Variants in XKR9 observed in about 807,000 individuals in gnomAD.
XKR9 encodes XK-related protein 9.
XKR9 carries 32 observed loss-of-function variants against 32.0 expected under a neutral mutation model. The ratio of observed to expected loss-of-function variants is 1.00; its 90% CI spans 0.76 to 1.34. The LOEUF (loss-of-function observed/expected upper bound fraction) is 1.34, where lower values mean the gene tolerates loss of function less well. Ranked by LOEUF, XKR9 falls within the 40% of genes most tolerant of loss-of-function variation. XKR9 has a pLI of 0.00. For synonymous variants in XKR9, 168 were observed against 143.4 expected, an observed-to-expected ratio of 1.17 and a Z score of -1.22; for missense variants, 546 against 429.7, an observed-to-expected ratio of 1.27 and a Z score of -2.39.
At chr8:71,027,873 G>C in the XKR9 span, among the ~76,000 whole-genome samples, 1 of 151,580 alleles carries the variant, frequency 6.6e-6, no homozygotes, top group East Asian at 1.9e-4. Flanking sequence ...CTGGGGTCAA[G>C]TGATCCTCCC....
At chr8:70,925,674 G>C in the XKR9 span, among the ~76,000 whole-genome samples, 1 of 152,174 alleles carries the variant, frequency 6.6e-6, no homozygotes, top group African/African-American at 2.4e-5. Context: ...AGCAAACTAA[G>C]AGTTAAGAGG....
chr8:70,883,029 T>G, the XKR9 span, among the ~76,000 whole-genome samples: 1 of 151,840 alleles, frequency 6.6e-6, no homozygotes, highest in African/African-American at 2.4e-5. Context: ...TTTGGTTACA[T>G]GGATGAGTTC....
the XKR9 span, among the ~76,000 whole-genome samples, chr8:70,955,813 C>T: frequency 3.3e-5 from 5 of 152,352 alleles, no homozygotes; most frequent in East Asian, 7.7e-4. Context: ...TGTGCACAGA[C>T]AGCCATGCTG....
intron 2 of XKR9, among the ~76,000 whole-genome samples, chr8:70,770,149 T>G (rs1807434581): frequency 6.6e-6 from 1 of 152,168 alleles, no homozygotes; most frequent in Non-Finnish European, 1.5e-5. Context: ...TTTGTTGATG[T>G]TGATGTTATT....
chr8:70,796,702 A>G, the XKR9 span, among the ~76,000 whole-genome samples: 3 of 152,242 alleles, frequency 2.0e-5, no homozygotes, highest in Admixed American at 1.3e-4. Flanking sequence ...AAATGTCAAT[A>G]GAATACCAGC....
chr8:70,805,875 G>A, the XKR9 span, among the ~76,000 whole-genome samples: 1 of 152,114 alleles, frequency 6.6e-6, no homozygotes, highest in Admixed American at 6.5e-5. Flanking sequence ...TCCCCCTAGT[G>A]AAGCACACCC....
chr8:70,860,225 G>A, the XKR9 span, among the ~76,000 whole-genome samples: 1 of 152,078 alleles, frequency 6.6e-6, no homozygotes, highest in Non-Finnish European at 1.5e-5. Flanking sequence ...AGTATTTGGA[G>A]GTGGGGCCTT....
chr8:70,714,567 T>C (rs1806027904), intron 4 of XKR9, among the ~76,000 whole-genome samples: 1 of 152,072 alleles, frequency 6.6e-6, no homozygotes, highest in African/African-American at 2.4e-5. Flanking sequence ...TTTAAAAAAG[T>C]TTTTGTCAAC....
the XKR9 span, among the ~76,000 whole-genome samples, chr8:70,833,083 T>A: frequency 3.9e-5 from 6 of 152,224 alleles, no homozygotes; most frequent in African/African-American, 1.2e-4. Context: ...TTGTCATATC[T>A]TCTGTCAAAC....
the XKR9 span, among the ~76,000 whole-genome samples, chr8:70,873,289 T>C: frequency 6.6e-6 from 1 of 152,122 alleles, no homozygotes; most frequent in East Asian, 1.9e-4. Flanking sequence ...GATCAAGGAG[T>C]AATTTCAACT....
chr8:70,778,404 T>G (rs144115805), intron 2 of XKR9, among the ~76,000 whole-genome samples: 2,553 of 152,274 alleles, frequency 0.017, 34 homozygotes, highest in Non-Finnish European at 0.023. Flanking sequence ...TTGTTCTTTT[T>G]GCTTAGGATT....
chr8:71,016,796 A>G, the XKR9 span, among the ~76,000 whole-genome samples: 2,441 of 152,158 alleles, frequency 0.016, 59 homozygotes, highest in African/African-American at 0.055. Context: ...GGAAAGGTTG[A>G]AGTACATATC....
At chr8:70,739,107 C>A (rs1368322734), downstream of XKR9, among the ~76,000 whole-genome samples, 1 of 151,862 alleles carries the variant, frequency 6.6e-6, no homozygotes, top group African/African-American at 2.4e-5. Context: ...GAATCTAAGT[C>A]TGTTTGTAGG....
the XKR9 span, among the ~76,000 whole-genome samples, chr8:70,885,876 G>A: frequency 5.3e-5 from 8 of 152,014 alleles, no homozygotes; most frequent in East Asian, 9.8e-4. Flanking sequence ...GATTACAGGC[G>A]TGAGCCATTG....
the XKR9 span, among the ~76,000 whole-genome samples, chr8:70,856,211 G>A: frequency 6.6e-6 from 1 of 152,158 alleles, no homozygotes; most frequent in Non-Finnish European, 1.5e-5. Flanking sequence ...AGACCCATCA[G>A]TGTGCTGTAT....
At chr8:70,730,916 C>T (rs768049486) in intron 4 of XKR9, among the ~76,000 whole-genome samples, 1 of 152,156 alleles carries the variant, frequency 6.6e-6, no homozygotes, top group Non-Finnish European at 1.5e-5. Context: ...AAATTACTGT[C>T]CTCTGGATGG....
Position 70,735,119 on chromosome 8 carries a change from CAT to C in XKR9, c.*699_*700del, listed in dbSNP as rs1021044852. The C allele has an allele frequency of 1.4e-4, 22 of 152,066 alleles. No individual in the cohort carries two copies. Among genetic ancestry groups the C allele is most frequent in the South Asian group, 2.1e-4 (1 of 4,810 alleles). The allele number at this position is 152,066 out of a possible 1,614,324, so 9.4% of individuals were successfully genotyped here. A position where few individuals can be genotyped will look rare whatever the true frequency, so the allele number is the denominator to read the frequency against. On this transcript the variant is annotated 3_prime_UTR_variant, in exon 5 of 5. Transcript: ENST00000408926. Reference sequence around the variant, plus strand: ...TATTTTTAAAAAATTATGGTAAAAACATATAAAATTTACCATCTTAATCACTT... The same window carrying C: ...TATTTTTAAAAAATTATGGTAAAAACATAAAATTTACCATCTTAATCACTT...
chr8:70,947,863 A>G, the XKR9 span, among the ~76,000 whole-genome samples: 1 of 152,236 alleles, frequency 6.6e-6, no homozygotes, highest in Non-Finnish European at 1.5e-5. Context: ...TATTTTCCTA[A>G]ATATAAATCC....
intron 2 of XKR9, among the ~76,000 whole-genome samples, chr8:70,769,196 T>G (rs892629297): frequency 1.4e-4 from 21 of 152,136 alleles, no homozygotes; most frequent in Non-Finnish European, 5.9e-5. Context: ...GAAGCTTATT[T>G]TGGCTGGAAA....
Sources: allele counts gnomAD v4.1 joint callset (sites outside exome capture counted in the v4.1 genomes callset), GRCh38; gene constraint gnomAD v4.1.1; transcripts MANE v1.5; gene names NCBI Gene and HGNC (gene_info 2026-07-23, HGNC 2026-07-21).